The following DCC variants were observed in gnomAD, a reference collection of about 807,000 sequenced individuals.
The protein encoded by DCC is DCC netrin 1 receptor, also known as netrin receptor DCC.
DCC carries 58 observed loss-of-function variants against 172.5 expected under a neutral mutation model. The ratio of observed to expected loss-of-function variants is 0.34; its 90% CI spans 0.27 to 0.42. DCC has a LOEUF of 0.42. Among genes scored for constraint, DCC ranks in the 10% least tolerant of loss-of-function variants. The pLI, the probability that DCC is intolerant of heterozygous loss-of-function variation, is 1.00. For missense variants in DCC, 1,740 were observed against 1,791.0 expected (o/e 0.97, Z 0.51); for synonymous variants, 709 against 644.5 (o/e 1.10, Z -1.52).
At chr18:53,074,595 A>C (rs1019261934) in intron 7 of DCC, among the ~76,000 whole-genome samples, 1 of 152,208 alleles carries the variant, frequency 6.6e-6, no homozygotes, top group African/African-American at 2.4e-5. Context: ...AAAGTTAAAA[A>C]TAAGAGAATA....
intron 1 of DCC, among the ~76,000 whole-genome samples, chr18:52,464,689 A>G (rs1988731877): frequency 6.6e-6 from 1 of 152,132 alleles, no homozygotes; most frequent in South Asian, 2.1e-4. Flanking sequence ...AGTTTGAAAG[A>G]GTAGGCAGTG....
chr18:52,781,167 C>T (rs1215597218), intron 2 of DCC, among the ~76,000 whole-genome samples: 1 of 152,096 alleles, frequency 6.6e-6, no homozygotes, highest in Non-Finnish European at 1.5e-5. Flanking sequence ...GAAAGGAAAC[C>T]TAGCAGAGCC....
At chr18:53,131,958 T>TTA (rs1378310167) in intron 7 of DCC, among the ~76,000 whole-genome samples, 1 of 99,456 alleles carries the variant, frequency 1.0e-5, no homozygotes, top group Non-Finnish European at 2.1e-5. Flanking sequence ...AAGTGATTTT[T>TTA]TTTTTTTTTT....
intron 14 of DCC, among the ~76,000 whole-genome samples, chr18:53,333,940 T>G (rs1429348313): frequency 6.6e-6 from 1 of 152,214 alleles, no homozygotes. Flanking sequence ...CATCTCACAT[T>G]GAACATGACC....
chr18:53,188,531 C>G (rs2055319776), intron 9 of DCC, among the ~76,000 whole-genome samples: 1 of 152,160 alleles, frequency 6.6e-6, no homozygotes, highest in Non-Finnish European at 1.5e-5. Flanking sequence ...ACACTGCTAA[C>G]TGATCTTACA....
chr18:52,359,384 C>T (rs1421480805), intron 1 of DCC, among the ~76,000 whole-genome samples: 1 of 152,090 alleles, frequency 6.6e-6, no homozygotes, highest in African/African-American at 2.4e-5. Flanking sequence ...GAAGAATATC[C>T]CATTTTAAGT....
At chr18:52,771,518 A>G (rs2037343421) in intron 2 of DCC, among the ~76,000 whole-genome samples, 2 of 152,166 alleles carry the variant, frequency 1.3e-5, no homozygotes, top group Admixed American at 6.5e-5. Flanking sequence ...CTTCCTCTAC[A>G]TAGAAACACT....
chr18:52,386,163 G>A (rs1022368425), intron 1 of DCC, among the ~76,000 whole-genome samples: 52 of 152,150 alleles, frequency 3.4e-4, no homozygotes, highest in African/African-American at 1.2e-3. Context: ...GGGAGCCTAA[G>A]TAACTTTTCC....
At chr18:53,253,570 A>C (rs1333479542) in intron 12 of DCC, among the ~76,000 whole-genome samples, 1 of 151,824 alleles carries the variant, frequency 6.6e-6, no homozygotes, top group Non-Finnish European at 1.5e-5. Flanking sequence ...TTATAACAAT[A>C]CTCTTTATTA....
At chr18:53,346,069 C>T (rs1195032004) in intron 15 of DCC, among the ~76,000 whole-genome samples, 1 of 152,112 alleles carries the variant, frequency 6.6e-6, no homozygotes, top group East Asian at 1.9e-4. Flanking sequence ...TCATGGCTCA[C>T]TGCAGCCTTG....
Position 53,205,330 on chromosome 18 carries a change from T to G in DCC, c.1688T>G (p.Leu563Trp). The G allele has an allele frequency of 6.2e-7, 1 of 1,614,026 alleles. No homozygotes were observed. The highest frequency in any genetic ancestry group is 8.5e-7 in the Non-Finnish European group (1 of 1,179,934). The change falls in exon 10 of 29, where the codon TTG (leucine) becomes TGG (tryptophan). Residue 563 changes from leucine (L) to tryptophan (W), a missense_variant. Coordinates refer to ENST00000442544, the MANE Select transcript of DCC (RefSeq NM_005215.4). ...AACGGTCCAGTCCAAGGTTACAGAT[T>G]GTTCTGCACTGAGGTGTCCACAGGA... ...YANGPVQGYR[L>W]FCTEVSTGKE...
intron 22 of DCC, among the ~76,000 whole-genome samples, chr18:53,446,098 CAAA>C (rs1246126122): frequency 3.1e-5 from 1 of 32,278 alleles, no homozygotes. Context: ...CCTGTCTCTA[CAAA>C]AAAAAAAAAA....
At chr18:53,465,288 A>T (rs79434590) in intron 24 of DCC, among the ~76,000 whole-genome samples, 1 of 147,730 alleles carries the variant, frequency 6.8e-6, no homozygotes. Flanking sequence ...AATTCTCTTC[A>T]TTTTCCTTCA....
rs186269798 is a variant in DCC at position 52,618,173 on chromosome 18, A to T, written c.92-133881A>T. ...ACAGACCTGACTCACATTAGAAGGG[A>T]AATTCTCATCACCTCTGTCATCCTT... is the stretch of plus-strand genomic sequence containing the variant. On this transcript the variant is annotated intron_variant, in intron 1 of 28. Transcript: ENST00000442544. 1.4e-3 allele frequency among the ~76,000 whole-genome samples: 219 copies of T among 152,276 alleles called. 1 individual carries two copies. Among genetic ancestry groups the T allele is most frequent in the African/African-American group, 5.0e-3 (207 of 41,538 alleles).
At chr18:52,693,431 A>C (rs1016769826) in intron 1 of DCC, among the ~76,000 whole-genome samples, 1 of 147,590 alleles carries the variant, frequency 6.8e-6, no homozygotes, top group Non-Finnish European at 1.5e-5. Context: ...TTTACATATA[A>C]AATATATGGG....
intron 7 of DCC, among the ~76,000 whole-genome samples, chr18:53,074,339 C>G (rs1036748196): frequency 4.6e-5 from 7 of 152,164 alleles, no homozygotes. Context: ...CTCGTTAACA[C>G]TACAAAATTC....
At chr18:52,722,224 T>C (rs2036483845) in intron 1 of DCC, among the ~76,000 whole-genome samples, 1 of 152,160 alleles carries the variant, frequency 6.6e-6, no homozygotes, top group African/African-American at 2.4e-5. Context: ...TGAATTTCAA[T>C]ACAAGTTTAT....
At chr18:52,904,961 A>T (rs1041809280) in intron 2 of DCC, among the ~76,000 whole-genome samples, 2 of 152,208 alleles carry the variant, frequency 1.3e-5, no homozygotes, top group Non-Finnish European at 2.9e-5. Flanking sequence ...AATAATTTAA[A>T]AAAACACAAG....
chr18:53,174,646 T>A (rs2055062971), intron 8 of DCC, among the ~76,000 whole-genome samples: 2 of 150,334 alleles, frequency 1.3e-5, no homozygotes, highest in Admixed American at 1.3e-4. Flanking sequence ...AATCTCTGAA[T>A]AGACCAATAA....
Sources: gnomAD v4.1 joint callset for allele counts (sites outside exome capture counted in the v4.1 genomes callset) on GRCh38, gnomAD v4.1.1 for gene constraint, MANE v1.5 for transcripts, NCBI Gene and HGNC (gene_info 2026-07-23, HGNC 2026-07-21) for gene names.